PDE3A: variants seen among roughly 807,000 people sequenced by gnomAD.
PDE3A encodes phosphodiesterase 3A.
PDE3A carries 43 observed loss-of-function variants against 98.3 expected under a neutral mutation model. That is an observed-to-expected ratio of 0.44 (90% CI 0.34 to 0.56). PDE3A has a LOEUF of 0.56. Ranked by LOEUF, PDE3A falls within the 20% of genes least tolerant of loss-of-function variation. The pLI is 0.01. For synonymous variants in PDE3A, 663 were observed against 567.9 expected (o/e 1.17, Z -2.38); for missense variants, 1,427 against 1,440.7 (o/e 0.99, Z 0.15).
intron 1 of PDE3A, among the ~76,000 whole-genome samples, chr12:20,548,892 T>C (rs930728287): frequency 6.6e-6 from 1 of 152,190 alleles, no homozygotes; most frequent in African/African-American, 2.4e-5. Context: ...ATCAACATCA[T>C]TTTGCACTTA....
At chr12:20,622,441 T>C (rs1944160556) in intron 5 of PDE3A, among the ~76,000 whole-genome samples, 1 of 152,144 alleles carries the variant, frequency 6.6e-6, no homozygotes, top group African/African-American at 2.4e-5. Flanking sequence ...CTCGATAGCT[T>C]TTTTGTACCA....
At chr12:20,408,166 G>A (rs779581116) in intron 1 of PDE3A, among the ~76,000 whole-genome samples, 27 of 152,070 alleles carry the variant, frequency 1.8e-4, no homozygotes, top group South Asian at 8.3e-4. Flanking sequence ...TGATCCACCC[G>A]CTTCAGCCCC....
At chr12:20,599,603 T>C (rs544016905) in intron 2 of PDE3A, among the ~76,000 whole-genome samples, 1 of 152,196 alleles carries the variant, frequency 6.6e-6, no homozygotes, top group African/African-American at 2.4e-5. Flanking sequence ...ACTGTTATCA[T>C]GGAAAAGGTA....
intron 15 of PDE3A, among the ~76,000 whole-genome samples, chr12:20,660,136 A>G (rs1945130647): frequency 6.6e-6 from 1 of 151,926 alleles, no homozygotes; most frequent in Non-Finnish European, 1.5e-5. Flanking sequence ...TTGTCACAAG[A>G]TTTGCTGGTT....
chr12:20,384,769 A>T (rs1463703546), intron 1 of PDE3A, among the ~76,000 whole-genome samples: 4 of 152,064 alleles, frequency 2.6e-5, no homozygotes, highest in African/African-American at 9.7e-5. Context: ...CTTATAAGTG[A>T]AAACATGTGG....
At chr12:20,541,099 TTTTTTTTTTTTTTTTG>T (rs1941894653) in intron 1 of PDE3A, among the ~76,000 whole-genome samples, 1 of 107,856 alleles carries the variant, frequency 9.3e-6, no homozygotes, top group South Asian at 3.5e-4. Context: ...TTTTTTTTTT[TTTTTTTTTTTTTTTTG>T]AGACAGGGTC....
intron 1 of PDE3A, among the ~76,000 whole-genome samples, chr12:20,429,204 C>T (rs1944654203): frequency 6.6e-6 from 1 of 152,138 alleles, no homozygotes; most frequent in African/African-American, 2.4e-5. Flanking sequence ...AATTGCTTTA[C>T]GGGGTTTCTA....
intron 1 of PDE3A, among the ~76,000 whole-genome samples, chr12:20,517,297 C>A (rs535756609): frequency 4.6e-5 from 7 of 152,108 alleles, no homozygotes; most frequent in African/African-American, 1.7e-4. Flanking sequence ...ACTGAGGAAA[C>A]AAGACATAGC....
At position 20,663,265 on chromosome 12, in the gene PDE3A, G is replaced by C. The variant is rs1466617590; in HGVS notation, c.3184+9060G>C. Among the ~76,000 whole-genome samples the C allele has an allele frequency of 2.0e-5, 3 of 152,256 alleles. No individual in the cohort carries two copies. In the East Asian group the frequency reaches 5.8e-4, roughly 29 times the overall value. ...CTCATGGAGAACCTCTGCTAGGGCAGTATGGAAGGGAAATGTGGGGTTGGC... is the reference window on the plus strand; with the variant it reads ...CTCATGGAGAACCTCTGCTAGGGCACTATGGAAGGGAAATGTGGGGTTGGC... On this transcript the variant is annotated intron_variant, in intron 15 of 15. Coordinates refer to ENST00000359062, the MANE Select transcript of PDE3A (RefSeq NM_000921.5).
chr12:20,486,826 G>A (rs1458822865), intron 1 of PDE3A, among the ~76,000 whole-genome samples: 2 of 152,156 alleles, frequency 1.3e-5, no homozygotes, highest in African/African-American at 4.8e-5. Flanking sequence ...TAGAGATGGG[G>A]TTTCACCCTG....
rs568113745 is a variant in PDE3A, at chr12:20,552,150, G to A, written c.961-4510G>A. 61 of 1,613,696 alleles carry A rather than the reference G, an allele frequency of 3.8e-5. No individual in the cohort carries two copies. The highest frequency in any genetic ancestry group is 2.9e-4 in the African/African-American group (22 of 75,066). On this transcript the variant is annotated intron_variant, in intron 1 of 15. Coordinates refer to ENST00000359062, the MANE Select transcript of PDE3A (RefSeq NM_000921.5). This position sits in a 1 kb window ranked among gnomAD's most constrained non-coding sequence, Gnocchi z 5.1. Reference sequence around the variant, plus strand: ...AGAAACTCACCAACACCAACAGGGCGCTGGCTCTCAACTGCTTTGCTCCCA... The same window carrying A: ...AGAAACTCACCAACACCAACAGGGCACTGGCTCTCAACTGCTTTGCTCCCA...
chr12:20,487,504 A>AAAAC (rs1379962450), intron 1 of PDE3A, among the ~76,000 whole-genome samples: 1 of 138,284 alleles, frequency 7.2e-6, no homozygotes, highest in Non-Finnish European at 1.5e-5. Context: ...TCTCTACTAA[A>AAAAC]AAAAAAAAAA....
intron 1 of PDE3A, among the ~76,000 whole-genome samples, chr12:20,445,274 C>A (rs1944936165): frequency 1.3e-5 from 2 of 152,106 alleles, no homozygotes; most frequent in Admixed American, 6.5e-5. Flanking sequence ...TTTTTCCCTG[C>A]TTTGTCCTGG....
Position 20,570,407 on chromosome 12 carries a change from C to CAAAAAAAA in PDE3A, c.1011+13721_1011+13728dup, listed in dbSNP as rs61242685. ...TGGGCAACAGAATGCGACGCTGTCTCAAAAAAAAAAAAAAAAAAAAAAAAA... is the reference window on the plus strand; with the variant it reads ...TGGGCAACAGAATGCGACGCTGTCTCAAAAAAAAAAAAAAAAAAAAAAAAAAAAAAAAA... On this transcript the variant is annotated intron_variant, in intron 2 of 15. Coordinates refer to ENST00000359062, the MANE Select transcript of PDE3A (RefSeq NM_000921.5). Among the ~76,000 whole-genome samples, 46 of 43,352 alleles carry CAAAAAAAA rather than the reference C, an allele frequency of 1.1e-3. 2 individuals are homozygous for CAAAAAAAA. The highest frequency in any genetic ancestry group is 9.8e-4 in the Non-Finnish European group (27 of 27,680). 28.4% of individuals were successfully genotyped at this position (43,352 alleles called of 152,430 possible).
At chr12:20,404,100 A>G (rs776738262) in intron 1 of PDE3A, among the ~76,000 whole-genome samples, 1 of 152,188 alleles carries the variant, frequency 6.6e-6, no homozygotes, top group Non-Finnish European at 1.5e-5. Context: ...TTTAAAAGAA[A>G]AATGTAGGTT....
Position 20,420,018 on chromosome 12 carries a change from G to A in PDE3A, c.960+49774G>A, listed in dbSNP as rs563117794. On this transcript the variant is annotated intron_variant, in intron 1 of 15. Transcript: ENST00000359062. The stretch of plus-strand genomic sequence containing the variant: ...TGAGGACACAGAGCCAAACCGTATC[G>A]AATATCATTAAAAAGAAACTGTGGC... Among the ~76,000 whole-genome samples, 17 of 152,116 alleles carry A rather than the reference G, an allele frequency of 1.1e-4. No individual in the cohort carries two copies. The East Asian group carries it at 1.4e-3, about 12-fold the overall frequency.
intron 1 of PDE3A, among the ~76,000 whole-genome samples, chr12:20,457,075 A>C (rs952922581): frequency 3.8e-5 from 5 of 133,202 alleles, no homozygotes; most frequent in Non-Finnish European, 7.0e-5. Context: ...AAAAACAAAA[A>C]CCACATAAAA....
chr12:20,661,793 G>T (rs115783286), intron 15 of PDE3A, among the ~76,000 whole-genome samples: 1 of 152,204 alleles, frequency 6.6e-6, no homozygotes, highest in Non-Finnish European at 1.5e-5. Context: ...TTTGCTGCAG[G>T]GGTGGGGCAG....
In PDE3A at chr12:20,552,298, G is replaced by A. The variant is rs1242980476; in HGVS notation, c.961-4362G>A. 18 of 1,613,852 alleles carry A rather than the reference G, an allele frequency of 1.1e-5. No homozygotes were observed. The highest frequency in any genetic ancestry group is 1.7e-5 in the Admixed American group (1 of 60,012). On this transcript the variant is annotated intron_variant, in intron 1 of 15. Transcript: ENST00000359062. The surrounding 1 kb of genome is among the most constrained non-coding windows in gnomAD (Gnocchi z 5.1). ...CCCCGCTGAGGGCAACCGCTACGATGGCATCTACAAGGTTGTGAAATACTG... is the reference window on the plus strand; with the variant it reads ...CCCCGCTGAGGGCAACCGCTACGATAGCATCTACAAGGTTGTGAAATACTG...
Sources: gnomAD v4.1 joint callset for allele counts (sites outside exome capture counted in the v4.1 genomes callset) on GRCh38, gnomAD v4.1.1 for gene constraint, Gnocchi (gnomAD v3.1) non-coding constraint, MANE v1.5 for transcripts, NCBI Gene and HGNC (gene_info 2026-07-23, HGNC 2026-07-21) for gene names.